The following UBE3D variants were observed in gnomAD, a reference collection of about 807,000 sequenced individuals.
The protein encoded by UBE3D is E3 ubiquitin-protein ligase E3D.
A neutral mutation model predicts 49.6 loss-of-function variants in UBE3D; 48 were observed. The observed-to-expected ratio is 0.97, with a 90% CI of 0.77 to 1.23. The LOEUF is 1.23. Ranked by LOEUF, UBE3D falls within the 50% of genes most tolerant of loss-of-function variation. The probability of loss-of-function intolerance (pLI) is 0.00; values close to 1 mark genes in which losing one functional copy is unlikely to be tolerated. For missense variants in UBE3D, 452 were observed against 468.4 expected, an observed-to-expected ratio of 0.96 and a Z score of 0.32; for synonymous variants, 189 against 174.2, an observed-to-expected ratio of 1.08 and a Z score of -0.67.
intron 9 of UBE3D, among the ~76,000 whole-genome samples, chr6:82,922,974 GTCATCAGAGAAATGCAAA>G (rs1773461319): frequency 6.6e-6 from 1 of 152,130 alleles, no homozygotes; most frequent in African/African-American, 2.4e-5. Flanking sequence ...ATCATCACTG[GTCATCAGAGAAATGCAAA>G]TCAAAACCAC....
At chr6:82,978,197 G>C (rs1392988583) in intron 8 of UBE3D, among the ~76,000 whole-genome samples, 1 of 152,110 alleles carries the variant, frequency 6.6e-6, no homozygotes, top group Non-Finnish European at 1.5e-5. Context: ...AGTGCTCAGT[G>C]AAACAGTTTG....
At chr6:83,047,820 T>C (rs940185275) in intron 3 of UBE3D, among the ~76,000 whole-genome samples, 4 of 152,034 alleles carry the variant, frequency 2.6e-5, no homozygotes, top group African/African-American at 7.2e-5. Flanking sequence ...CGGTGGCTCA[T>C]GCCTGTAATC....
chr6:83,065,603 A>C, intron 1 of UBE3D, 39 bp downstream of exon 1: 9 of 1,606,224 alleles, frequency 5.6e-6, no homozygotes, highest in Non-Finnish European at 7.7e-6. Flanking sequence ...GGCAGCAGTA[A>C]AGCGAGCTGG....
intron 9 of UBE3D, among the ~76,000 whole-genome samples, chr6:82,912,134 C>A (rs570087134): frequency 1.3e-5 from 2 of 152,122 alleles, no homozygotes; most frequent in African/African-American, 4.8e-5. Flanking sequence ...GGCACACAGT[C>A]CTTCCTCCCT....
chr6:83,000,055 C>G (rs1779515325), intron 8 of UBE3D, among the ~76,000 whole-genome samples: 1 of 152,090 alleles, frequency 6.6e-6, no homozygotes, highest in African/African-American at 2.4e-5. Flanking sequence ...CCTGTCTCAC[C>G]ACTCCTCTAT....
At chr6:82,987,194 T>C (rs1778579838) in intron 8 of UBE3D, among the ~76,000 whole-genome samples, 1 of 152,144 alleles carries the variant, frequency 6.6e-6, no homozygotes, top group Non-Finnish European at 1.5e-5. Flanking sequence ...TTATTGTTAT[T>C]TTGAGACAAG....
At chr6:83,054,413 T>C (rs990780305) in intron 2 of UBE3D, among the ~76,000 whole-genome samples, 175 bp from the exon 3 acceptor site, 2 of 152,052 alleles carry the variant, frequency 1.3e-5, no homozygotes, top group African/African-American at 4.8e-5. Context: ...TATTGTGAAG[T>C]GTTTTTGAAA....
intron 8 of UBE3D, among the ~76,000 whole-genome samples, chr6:82,980,516 C>T (rs1401522559): frequency 6.6e-6 from 1 of 151,876 alleles, no homozygotes; most frequent in Non-Finnish European, 1.5e-5. Context: ...ATTTTCTCCC[C>T]TTCTTCATGT....
At chr6:83,001,296 T>C (rs2127745841) in intron 8 of UBE3D, among the ~76,000 whole-genome samples, 1 of 152,332 alleles carries the variant, frequency 6.6e-6, no homozygotes, top group Non-Finnish European at 1.5e-5. Context: ...AAGTCTGTGA[T>C]ACAAGGTCTC....
At chr6:83,026,553 G>C (rs149807033) in intron 5 of UBE3D, among the ~76,000 whole-genome samples, 1 of 151,830 alleles carries the variant, frequency 6.6e-6, no homozygotes, top group Non-Finnish European at 1.5e-5. Flanking sequence ...AAAAATAAAT[G>C]GTTTCATAGA....
At chr6:82,978,240 T>A (rs777094323) in intron 8 of UBE3D, among the ~76,000 whole-genome samples, 1 of 152,144 alleles carries the variant, frequency 6.6e-6, no homozygotes, top group Admixed American at 6.5e-5. Context: ...TAATAAGTCA[T>A]GTCAAAGCCT....
At chr6:83,019,350 G>T (rs1215630079) in intron 7 of UBE3D, among the ~76,000 whole-genome samples, 1 of 149,952 alleles carries the variant, frequency 6.7e-6, no homozygotes, top group Non-Finnish European at 1.5e-5. Flanking sequence ...CAACTGACTC[G>T]GAGAAAATAT....
intron 9 of UBE3D, among the ~76,000 whole-genome samples, chr6:82,941,912 G>A (rs1006915038): frequency 7.9e-5 from 12 of 152,150 alleles, no homozygotes; most frequent in Admixed American, 7.9e-4. Flanking sequence ...CAGTCTCAGG[G>A]AGTTCTTTAT....
At chr6:83,052,563 A>T (rs1174198519) in intron 3 of UBE3D, among the ~76,000 whole-genome samples, 3 of 152,176 alleles carry the variant, frequency 2.0e-5, no homozygotes, top group Non-Finnish European at 4.4e-5. Context: ...ATAAGGCCCC[A>T]GGGTGAAAAA....
At chr6:82,909,091 C>A (rs1772315251) in intron 9 of UBE3D, among the ~76,000 whole-genome samples, 2 of 152,184 alleles carry the variant, frequency 1.3e-5, no homozygotes, top group African/African-American at 2.4e-5. Flanking sequence ...GAAGGGGTTA[C>A]CCCTGTCCCA....
At chr6:82,925,681 C>G (rs1411347387) in intron 9 of UBE3D, among the ~76,000 whole-genome samples, 1 of 152,012 alleles carries the variant, frequency 6.6e-6, no homozygotes, top group Non-Finnish European at 1.5e-5. Flanking sequence ...CTTAACTGCC[C>G]AATATCCTTC....
chr6:82,896,413 T>A (rs551374673), intron 9 of UBE3D, among the ~76,000 whole-genome samples: 2 of 104,868 alleles, frequency 1.9e-5, no homozygotes, highest in East Asian at 5.0e-4. Flanking sequence ...ATAATTATTT[T>A]AAAAAACAAA....
chr6:82,921,425 A>G (rs1479991992), intron 9 of UBE3D, among the ~76,000 whole-genome samples: 1 of 152,140 alleles, frequency 6.6e-6, no homozygotes, highest in Non-Finnish European at 1.5e-5. Flanking sequence ...CTTTAAACCT[A>G]TGAAAGGCTG....
At chr6:83,032,847 C>T (rs143371952) in intron 5 of UBE3D, among the ~76,000 whole-genome samples, 5 of 152,196 alleles carry the variant, frequency 3.3e-5, no homozygotes, top group Non-Finnish European at 7.3e-5. Context: ...TTCCCCTGCA[C>T]ATGCTCTGTT....
Sources: gnomAD v4.1 joint callset for allele counts (sites outside exome capture counted in the v4.1 genomes callset) on GRCh38, gnomAD v4.1.1 for gene constraint, MANE v1.5 for transcripts, NCBI Gene and HGNC (gene_info 2026-07-23, HGNC 2026-07-21) for gene names.